The following FAM78B variants were observed in gnomAD, a reference collection of about 807,000 sequenced individuals.
FAM78B encodes family with sequence similarity 78 member B, also known as protein FAM78B.
FAM78B carries 10 observed loss-of-function variants against 20.0 expected under a neutral mutation model. The observed-to-expected ratio is 0.50, with a 90% CI of 0.31 to 0.85. FAM78B has a LOEUF of 0.85. FAM78B is among the 40% of genes least tolerant of loss of function. The pLI, the probability that FAM78B is intolerant of heterozygous loss-of-function variation, is 0.05. For missense variants in FAM78B, 283 were observed against 345.0 expected (o/e 0.82, Z 1.42); for synonymous variants, 135 against 132.8 (o/e 1.02, Z -0.12).
intron 1 of FAM78B, among the ~76,000 whole-genome samples, chr1:166,081,711 C>T (rs1652586462): frequency 6.6e-6 from 1 of 152,144 alleles, no homozygotes; most frequent in Non-Finnish European, 1.5e-5. Flanking sequence ...AGGAGTAAGG[C>T]CCTGCTTATG....
At chr1:166,146,588 G>C (rs1557916973) in intron 1 of FAM78B, among the ~76,000 whole-genome samples, 1 of 152,184 alleles carries the variant, frequency 6.6e-6, no homozygotes, top group African/African-American at 2.4e-5. Context: ...GGCAAGGGGG[G>C]TCTGAGGTTG....
At chr1:166,109,888 A>G (rs1221937095) in intron 1 of FAM78B, among the ~76,000 whole-genome samples, 9 of 27,604 alleles carry the variant, frequency 3.3e-4, no homozygotes, top group East Asian at 1.2e-3. Context: ...ATATGTATAT[A>G]TGTATATATA....
At chr1:166,120,724 CAGG>C (rs2101768179) in intron 1 of FAM78B, among the ~76,000 whole-genome samples, 1 of 151,230 alleles carries the variant, frequency 6.6e-6, no homozygotes, top group South Asian at 2.1e-4. Context: ...TGGATGAAAA[CAGG>C]AGGAGCTAAG....
At chr1:166,159,917 G>A (rs572932137) in intron 1 of FAM78B, among the ~76,000 whole-genome samples, 30 of 152,194 alleles carry the variant, frequency 2.0e-4, no homozygotes, top group Non-Finnish European at 3.8e-4. Flanking sequence ...AAGGCAAAGG[G>A]TCATCTCCCT....
chr1:166,109,890 G>GTA (rs1200752162), intron 1 of FAM78B, among the ~76,000 whole-genome samples: 1,051 of 23,068 alleles, frequency 0.046, 169 homozygotes, highest in African/African-American at 0.054. Context: ...ATGTATATAT[G>GTA]TATATATATA....
chr1:166,097,715 A>G (rs1461125512), intron 1 of FAM78B, among the ~76,000 whole-genome samples: 1 of 152,170 alleles, frequency 6.6e-6, no homozygotes. Context: ...TCCCCACAGC[A>G]GCTGCAGGAA....
At chr1:166,118,897 G>A (rs1181316405) in intron 1 of FAM78B, among the ~76,000 whole-genome samples, 1 of 152,136 alleles carries the variant, frequency 6.6e-6, no homozygotes, top group Non-Finnish European at 1.5e-5. Flanking sequence ...CTCTGCTGAT[G>A]TGCACCTCTT....
At chr1:166,056,270 G>GT (rs1029057511), downstream of FAM78B, among the ~76,000 whole-genome samples, 3 of 150,284 alleles carry the variant, frequency 2.0e-5, no homozygotes, top group African/African-American at 7.4e-5. Context: ...TGACTGGTGT[G>GT]TGTGTGTGCG....
At chr1:166,060,961 T>TG (rs545798143) in intron 2 of FAM78B, among the ~76,000 whole-genome samples, 24 of 152,190 alleles carry the variant, frequency 1.6e-4, no homozygotes, top group African/African-American at 4.3e-4. Flanking sequence ...TCCTCAGAAA[T>TG]GGGGGGGAAG....
chr1:166,115,045 C>T (rs1571176076), intron 1 of FAM78B, among the ~76,000 whole-genome samples: 2 of 152,158 alleles, frequency 1.3e-5, no homozygotes, highest in East Asian at 1.9e-4. Flanking sequence ...ACTGTCCTCT[C>T]AAGATGTGAC....
intron 1 of FAM78B, among the ~76,000 whole-genome samples, chr1:166,107,684 A>T (rs1653841593): frequency 6.6e-6 from 1 of 152,216 alleles, no homozygotes; most frequent in Admixed American, 6.6e-5. Flanking sequence ...AAAAGGATAT[A>T]ACCAAAAAAG....
chr1:166,072,589 T>C (rs1652093171), intron 1 of FAM78B, among the ~76,000 whole-genome samples: 1 of 152,178 alleles, frequency 6.6e-6, no homozygotes. Context: ...ATTGGGTTCA[T>C]GAAATAACCA....
chr1:166,062,595 A>C (rs1227851128), intron 2 of FAM78B, among the ~76,000 whole-genome samples: 2 of 152,232 alleles, frequency 1.3e-5, no homozygotes, highest in African/African-American at 4.8e-5. Context: ...ATGCATGTGC[A>C]TGTGCGTGTA....
At chr1:166,107,127 T>C (rs1026667307) in intron 1 of FAM78B, among the ~76,000 whole-genome samples, 3 of 151,532 alleles carry the variant, frequency 2.0e-5, no homozygotes, top group South Asian at 4.2e-4. Flanking sequence ...CAAAACCCAG[T>C]AGAAGAAAGA....
exon 3 of FAM78B, chr1:166,060,528 G>A (rs1651546221): frequency 9.2e-7 from 1 of 1,084,354 alleles, no homozygotes; most frequent in South Asian, 1.3e-5. Flanking sequence ...AGGTAGGCAG[G>A]ATGGCACACA....
intron 1 of FAM78B, among the ~76,000 whole-genome samples, chr1:166,113,666 C>A (rs1338766996): frequency 6.6e-6 from 1 of 152,226 alleles, no homozygotes; most frequent in Non-Finnish European, 1.5e-5. Flanking sequence ...TTCTGCAAGG[C>A]ATGTCCTGCC....
chr1:166,130,116 T>TA (rs1187476781), intron 1 of FAM78B, among the ~76,000 whole-genome samples: 5 of 152,214 alleles, frequency 3.3e-5, no homozygotes, highest in Admixed American at 6.5e-5. Flanking sequence ...TTTCTGGTCT[T>TA]AGTCATTTCT....
At chr1:166,147,576 G>A (rs769172493) in intron 1 of FAM78B, among the ~76,000 whole-genome samples, 3 of 152,128 alleles carry the variant, frequency 2.0e-5, no homozygotes, top group Non-Finnish European at 4.4e-5. Flanking sequence ...AAATCACACA[G>A]CTAGTAAATG....
At chr1:166,109,878 A>ATGTG (rs1328174190) in intron 1 of FAM78B, among the ~76,000 whole-genome samples, 2 of 16,476 alleles carry the variant, frequency 1.2e-4, no homozygotes, top group South Asian at 2.2e-3. Context: ...GTATATATAT[A>ATGTG]TATGTATATA....
Sources: allele counts gnomAD v4.1 joint callset (sites outside exome capture counted in the v4.1 genomes callset), GRCh38; gene constraint gnomAD v4.1.1; transcripts MANE v1.5; gene names NCBI Gene and HGNC (gene_info 2026-07-23, HGNC 2026-07-21).